NELL1: variants seen among roughly 807,000 people sequenced by gnomAD.
The protein encoded by NELL1 is protein kinase C-binding protein NELL1.
NELL1 carries 76 observed loss-of-function variants against 107.4 expected under a neutral mutation model. The observed-to-expected ratio is 0.71, with a 90% CI of 0.59 to 0.86. The LOEUF (loss-of-function observed/expected upper bound fraction) is 0.86, where lower values mean the gene tolerates loss of function less well. Ranked by LOEUF, NELL1 falls within the 40% of genes least tolerant of loss-of-function variation. The probability of loss-of-function intolerance (pLI) is 0.00; values close to 1 mark genes in which losing one functional copy is unlikely to be tolerated. For synonymous variants in NELL1, 353 were observed against 341.2 expected, an observed-to-expected ratio of 1.03 and a Z score of -0.38; for missense variants, 1,024 against 1,005.5, an observed-to-expected ratio of 1.02 and a Z score of -0.25.
intron 2 of NELL1, among the ~76,000 whole-genome samples, chr11:20,730,543 C>A (rs1855615022): frequency 2.0e-5 from 3 of 152,154 alleles, no homozygotes; most frequent in Non-Finnish European, 2.9e-5. Flanking sequence ...CTCTTTGATA[C>A]CACACCTTGG....
intron 3 of NELL1, among the ~76,000 whole-genome samples, chr11:20,789,472 A>G (rs1332859399): frequency 6.6e-6 from 1 of 152,230 alleles, no homozygotes; most frequent in Non-Finnish European, 1.5e-5. Flanking sequence ...AAGGCCCCAA[A>G]GAGGGAGTCA....
intron 12 of NELL1, among the ~76,000 whole-genome samples, chr11:20,991,100 G>C (rs925216783): frequency 1.3e-5 from 2 of 152,204 alleles, no homozygotes; most frequent in African/African-American, 4.8e-5. Flanking sequence ...GAAGTATTCA[G>C]ACACCATGAT....
chr11:21,366,847 A>G (rs1271213042), intron 14 of NELL1, among the ~76,000 whole-genome samples: 1 of 152,128 alleles, frequency 6.6e-6, no homozygotes, highest in Non-Finnish European at 1.5e-5. Flanking sequence ...GTCCCTAGGA[A>G]CTAAATATAT....
chr11:21,214,986 A>T (rs1307556477), intron 13 of NELL1, among the ~76,000 whole-genome samples: 1 of 152,200 alleles, frequency 6.6e-6, no homozygotes, highest in African/African-American at 2.4e-5. Context: ...GCTAATGTCA[A>T]TCTTCTGATT....
chr11:21,375,537 G>A (rs1851454377), intron 15 of NELL1, among the ~76,000 whole-genome samples: 1 of 152,046 alleles, frequency 6.6e-6, no homozygotes, highest in East Asian at 1.9e-4. Flanking sequence ...GTGTCTTTTT[G>A]GTAGAAAGAT....
In NELL1 at chr11:21,362,287, AGCTACCAT is replaced by A. The variant is rs1445209831; in HGVS notation, c.1550-8562_1550-8555del. On this transcript the variant is annotated intron_variant, in intron 14 of 19. Coordinates refer to ENST00000357134, the MANE Select transcript of NELL1 (RefSeq NM_006157.5). ...TCTTTTGGTTCTAGCCACCCAGCAG[AGCTACCAT>A]GCTCCAGGCTGGTGGTAGAGGGGGT... Among the ~76,000 whole-genome samples, 5 of 152,242 alleles carry A rather than the reference AGCTACCAT, an allele frequency of 3.3e-5. No individual in the cohort carries two copies. The East Asian group carries it at 9.7e-4, about 29-fold the overall frequency.
Position 21,370,848 on chromosome 11 carries a change from A to T in NELL1, c.1550-5A>T, listed in dbSNP as rs1178454615. 4 of 1,610,084 alleles carry T rather than the reference A, an allele frequency of 2.5e-6. No individual in the cohort carries two copies. The highest frequency in any genetic ancestry group is 3.4e-6 in the Non-Finnish European group (4 of 1,177,836). ...TAAGATAAATACTTTGTTCTCTTGC[A>T]ACAGCTTTCTGTGAAGAGGGCTGCA... is the stretch of plus-strand genomic sequence containing the variant. On this transcript the variant is annotated splice_region_variant and splice_polypyrimidine_tract_variant and intron_variant, in intron 14 of 19. Coordinates refer to ENST00000357134, the MANE Select transcript of NELL1 (RefSeq NM_006157.5).
intron 13 of NELL1, among the ~76,000 whole-genome samples, chr11:21,128,349 A>G (rs1855535668): frequency 6.6e-6 from 1 of 152,136 alleles, no homozygotes; most frequent in African/African-American, 2.4e-5. Context: ...TAGATGAATT[A>G]GCATTTTTCC....
chr11:21,197,191 C>A (rs1202291573), intron 13 of NELL1, among the ~76,000 whole-genome samples: 2 of 148,602 alleles, frequency 1.3e-5, no homozygotes, highest in African/African-American at 2.6e-5. Context: ...TTATTTAATT[C>A]TTAAGCCAGT....
intron 13 of NELL1, among the ~76,000 whole-genome samples, chr11:21,187,677 A>T (rs919286516): frequency 3.3e-5 from 5 of 151,698 alleles, no homozygotes; most frequent in African/African-American, 9.7e-5. Flanking sequence ...CAAGTTGTCT[A>T]TGTGAATAGA....
chr11:20,710,917 C>T (rs1412810902), intron 2 of NELL1, among the ~76,000 whole-genome samples: 1 of 151,904 alleles, frequency 6.6e-6, no homozygotes, highest in East Asian at 1.9e-4. Flanking sequence ...CTTCTCTCTT[C>T]TTTTCTTGGT....
chr11:21,360,668 C>A (rs1851056623), intron 14 of NELL1, among the ~76,000 whole-genome samples: 1 of 152,078 alleles, frequency 6.6e-6, no homozygotes, highest in Non-Finnish European at 1.5e-5. Context: ...AATTTGGGAG[C>A]TCCAGTATTA....
At chr11:20,823,532 T>G (rs1857806871) in intron 3 of NELL1, among the ~76,000 whole-genome samples, 1 of 151,270 alleles carries the variant, frequency 6.6e-6, no homozygotes, top group African/African-American at 2.4e-5. Flanking sequence ...CCAAATCCCC[T>G]TGGACTTCAG....
intron 12 of NELL1, among the ~76,000 whole-genome samples, chr11:21,038,702 T>A (rs981298241): frequency 6.6e-6 from 1 of 152,148 alleles, no homozygotes; most frequent in African/African-American, 2.4e-5. Flanking sequence ...CACACTGAGA[T>A]ATAATTTTGG....
At chr11:20,832,075 T>G (rs111571048) in intron 3 of NELL1, among the ~76,000 whole-genome samples, 1 of 152,150 alleles carries the variant, frequency 6.6e-6, no homozygotes, top group Admixed American at 6.5e-5. Flanking sequence ...GTGGGCTGGG[T>G]GGGAGCTTGC....
At position 21,560,313 on chromosome 11, in the gene NELL1, A is replaced by G. The variant is rs754130985; in HGVS notation, c.1911A>G (p.Glu637=). The change falls in exon 17 of 20, where the codon GAA becomes GAG. Residue 637 remains glutamate, a synonymous_variant. Coordinates refer to ENST00000357134, the MANE Select transcript of NELL1 (RefSeq NM_006157.5). ...GPSCSGDCPH[E]GGLKHNGQVW... ...CCTGCTCTGGTGACTGTCCTCATGA[A>G]GGGGGGCTGAAGCACAATGGCCAGG... 1.9e-6 allele frequency: 3 copies of G among 1,613,022 alleles called. No homozygotes were observed. Among genetic ancestry groups the G allele is most frequent in the Non-Finnish European group, 1.7e-6 (2 of 1,179,526 alleles).
intron 13 of NELL1, among the ~76,000 whole-genome samples, chr11:21,216,452 C>G (rs1435193474): frequency 6.6e-6 from 1 of 152,146 alleles, no homozygotes; most frequent in Non-Finnish European, 1.5e-5. Context: ...CACTGTGTGC[C>G]TGGAAAAGTT....
chr11:21,497,614 G>A (rs1041928510), intron 15 of NELL1, among the ~76,000 whole-genome samples: 1 of 151,852 alleles, frequency 6.6e-6, no homozygotes, highest in African/African-American at 2.4e-5. Flanking sequence ...AGCAAAGGCA[G>A]GATCACTTTC....
chr11:20,798,954 G>A (rs894916499), intron 3 of NELL1, among the ~76,000 whole-genome samples: 1 of 151,726 alleles, frequency 6.6e-6, no homozygotes, highest in Non-Finnish European at 1.5e-5. Context: ...TTTTATTCTA[G>A]TGGGGTGAGT....
Sources: gnomAD v4.1 joint callset for allele counts (sites outside exome capture counted in the v4.1 genomes callset) on GRCh38, gnomAD v4.1.1 for gene constraint, MANE v1.5 for transcripts, NCBI Gene and HGNC (gene_info 2026-07-23, HGNC 2026-07-21) for gene names.